The following RAB3C variants were observed in gnomAD, a reference collection of about 807,000 sequenced individuals.
RAB3C encodes RAB3C, member RAS oncogene family, also known as ras-related protein Rab-3C.
A neutral mutation model predicts 26.4 loss-of-function variants in RAB3C; 17 were observed. That is an observed-to-expected ratio of 0.64 (90% CI 0.44 to 0.97). RAB3C has a LOEUF of 0.97. Ranked by LOEUF, RAB3C falls within the 50% of genes least tolerant of loss-of-function variation. RAB3C has a pLI of 0.00. For missense variants in RAB3C, 242 were observed against 281.9 expected, an observed-to-expected ratio of 0.86 and a Z score of 1.01; for synonymous variants, 91 against 95.9, an observed-to-expected ratio of 0.95 and a Z score of 0.30.
At chr5:58,655,910 C>T (rs1747761264) in intron 2 of RAB3C, among the ~76,000 whole-genome samples, 1 of 150,994 alleles carries the variant, frequency 6.6e-6, no homozygotes, top group South Asian at 2.1e-4. Context: ...TTTCTCCTGC[C>T]TCAGCCTCTC....
At chr5:58,669,960 GT>G (rs1748079520) in intron 2 of RAB3C, among the ~76,000 whole-genome samples, 1 of 152,136 alleles carries the variant, frequency 6.6e-6, no homozygotes, top group African/African-American at 2.4e-5. Flanking sequence ...ATTCCCGTTT[GT>G]TTTGAAGATC....
Position 58,855,943 on chromosome 5 carries a change from A to T in RAB3C, c.*4592A>T, listed in dbSNP as rs912321815. On this transcript the variant is annotated 3_prime_UTR_variant, in exon 5 of 5. Coordinates refer to ENST00000282878, the MANE Select transcript of RAB3C (RefSeq NM_138453.4). ...AATAATTTTTTTCTTAAAAATATTTACAGAAATGCTTGACACTCCGGTCAA... is the reference window on the plus strand; with the variant it reads ...AATAATTTTTTTCTTAAAAATATTTTCAGAAATGCTTGACACTCCGGTCAA... 3 of 152,204 alleles carry T rather than the reference A, an allele frequency of 2.0e-5. No homozygotes were observed. The highest frequency in any genetic ancestry group is 4.4e-5 in the Non-Finnish European group (3 of 68,030). The allele number at this position is 152,204 out of a possible 1,614,324, so 9.4% of individuals were successfully genotyped here.
intron 3 of RAB3C, among the ~76,000 whole-genome samples, chr5:58,783,665 T>C (rs970476613): frequency 6.6e-6 from 1 of 152,166 alleles, no homozygotes; most frequent in Non-Finnish European, 1.5e-5. Flanking sequence ...ACTAATAAGC[T>C]TGGATCCCAT....
chr5:58,704,946 T>A (rs1463719385), intron 2 of RAB3C, among the ~76,000 whole-genome samples: 3 of 152,164 alleles, frequency 2.0e-5, no homozygotes, highest in Non-Finnish European at 4.4e-5. Flanking sequence ...TTAATAATTG[T>A]ATGAGTTTCC....
chr5:58,685,703 A>G (rs936744095), intron 2 of RAB3C, among the ~76,000 whole-genome samples: 13 of 152,272 alleles, frequency 8.5e-5, no homozygotes, highest in South Asian at 2.1e-4. Flanking sequence ...TACTTACCAG[A>G]CTGTTATTGA....
chr5:58,771,007 G>GA (rs1261980553), intron 3 of RAB3C, among the ~76,000 whole-genome samples: 4 of 152,082 alleles, frequency 2.6e-5, no homozygotes, highest in Admixed American at 1.3e-4. Context: ...AAAAGACTAA[G>GA]AATGCTTCAC....
intron 3 of RAB3C, among the ~76,000 whole-genome samples, chr5:58,802,428 T>C (rs1363137593): frequency 6.6e-6 from 1 of 152,208 alleles, no homozygotes; most frequent in Non-Finnish European, 1.5e-5. Context: ...AGAGAAATCA[T>C]GCAGAAACTT....
intron 2 of RAB3C, among the ~76,000 whole-genome samples, chr5:58,716,762 G>A (rs756059385): frequency 1.4e-5 from 2 of 144,376 alleles, no homozygotes; most frequent in African/African-American, 5.1e-5. Flanking sequence ...ACCATGACTC[G>A]AATAGATCTC....
At chr5:58,661,716 T>C (rs1747909523) in intron 2 of RAB3C, among the ~76,000 whole-genome samples, 1 of 147,926 alleles carries the variant, frequency 6.8e-6, no homozygotes, top group East Asian at 1.9e-4. Context: ...GTTTACTGAA[T>C]CCATTAACCC....
Position 58,588,736 on chromosome 5 carries a change from C to A in RAB3C, c.24+5504C>A, listed in dbSNP as rs57600022. 2.5e-3 allele frequency among the ~76,000 whole-genome samples: 378 copies of A among 152,150 alleles called. 2 individuals carry two copies. Among genetic ancestry groups the A allele is most frequent in the African/African-American group, 8.6e-3 (355 of 41,510 alleles). ...TAGGTTAATTAATTATACCTGGGGT[C>A]TGTATCCAGACTCTGATCTGTTTGT... On this transcript the variant is annotated intron_variant, in intron 1 of 4. Transcript: ENST00000282878.
At chr5:58,596,746 A>C (rs1415110212) in intron 1 of RAB3C, among the ~76,000 whole-genome samples, 1 of 96,468 alleles carries the variant, frequency 1.0e-5, no homozygotes, top group African/African-American at 4.7e-5. Flanking sequence ...ATAAATATAT[A>C]ATACATAATA....
chr5:58,805,516 C>T lies in RAB3C; in HGVS notation c.372-19522C>T, dbSNP rs532794927. On this transcript the variant is annotated intron_variant, in intron 3 of 4. Transcript: ENST00000282878. Reference sequence around the variant, plus strand: ...ATGAGAATCTCTTAAACCTGGGAGGCAGACGTTGCAGTGAGCTGAGATCGC... The same window carrying T: ...ATGAGAATCTCTTAAACCTGGGAGGTAGACGTTGCAGTGAGCTGAGATCGC... Among the ~76,000 whole-genome samples, 5 of 145,884 alleles carry T rather than the reference C, an allele frequency of 3.4e-5. No homozygotes were observed. In the East Asian group the frequency reaches 1.0e-3, roughly 29 times the overall value.
chr5:58,845,104 A>T (rs1743959952), intron 4 of RAB3C, among the ~76,000 whole-genome samples: 1 of 152,190 alleles, frequency 6.6e-6, no homozygotes, highest in Non-Finnish European at 1.5e-5. Flanking sequence ...GGAGTCCCCT[A>T]GGGTGCTCTG....
At chr5:58,830,134 A>G (rs1743580419) in intron 4 of RAB3C, among the ~76,000 whole-genome samples, 1 of 152,214 alleles carries the variant, frequency 6.6e-6, no homozygotes. Context: ...CTATGTCTAT[A>G]TACTCCGAAA....
At chr5:58,745,976 C>T (rs753640687) in intron 3 of RAB3C, among the ~76,000 whole-genome samples, 1 of 151,980 alleles carries the variant, frequency 6.6e-6, no homozygotes, top group Non-Finnish European at 1.5e-5. Context: ...ACATAAATAC[C>T]CCTCCTACAG....
rs1173401450 is a variant in RAB3C, at chr5:58,693,347, T to TATATATATATATATATATATATATATAC, written c.253-32640_253-32639insTATATATATATACATATATATATATATA. ...TTATATATATATGTGTATATATATATATATATATATATATAAAATTTCTTA... is the reference window on the plus strand; with the variant it reads ...TTATATATATATGTGTATATATATATATATATATATATATATATATATATATACATATATATATATATAAAATTTCTTA... On this transcript the variant is annotated intron_variant, in intron 2 of 4. Coordinates refer to ENST00000282878, the MANE Select transcript of RAB3C (RefSeq NM_138453.4). Among the ~76,000 whole-genome samples, 144 of 137,806 alleles carry TATATATATATATATATATATATATATAC rather than the reference T, an allele frequency of 1.0e-3. 2 individuals are homozygous for TATATATATATATATATATATATATATAC. Among genetic ancestry groups the TATATATATATATATATATATATATATAC allele is most frequent in the African/African-American group, 4.2e-3 (141 of 33,684 alleles). 90.4% of individuals were successfully genotyped at this position (137,806 alleles called of 152,430 possible).
chr5:58,786,918 G>C (rs1742401513), intron 3 of RAB3C, among the ~76,000 whole-genome samples: 1 of 152,040 alleles, frequency 6.6e-6, no homozygotes, highest in East Asian at 1.9e-4. Context: ...GAAGTAGAAA[G>C]GCATCGGGCT....
intron 2 of RAB3C, among the ~76,000 whole-genome samples, chr5:58,691,260 G>A (rs1375956630): frequency 6.6e-6 from 1 of 152,122 alleles, no homozygotes; most frequent in Non-Finnish European, 1.5e-5. Context: ...TAGGCTGTGG[G>A]GGAATGTATA....
chr5:58,703,790 A>G (rs1233540662), intron 2 of RAB3C, among the ~76,000 whole-genome samples: 1 of 152,176 alleles, frequency 6.6e-6, no homozygotes. Flanking sequence ...ATAAAATTTG[A>G]GCATCACTAC....
Sources: allele counts gnomAD v4.1 joint callset (sites outside exome capture counted in the v4.1 genomes callset), GRCh38; gene constraint gnomAD v4.1.1; transcripts MANE v1.5; gene names NCBI Gene and HGNC (gene_info 2026-07-23, HGNC 2026-07-21).